Variants in ASB7 observed in about 807,000 individuals in gnomAD.
The protein encoded by ASB7 is ankyrin repeat and SOCS box containing 7.
A neutral mutation model predicts 32.5 loss-of-function variants in ASB7; 4 were observed. The ratio of observed to expected loss-of-function variants is 0.12; its 90% confidence interval spans 0.06 to 0.28. The LOEUF (loss-of-function observed/expected upper bound fraction) is 0.28, where lower values mean the gene tolerates loss of function less well. Among genes scored for constraint, ASB7 ranks in the 10% least tolerant of loss-of-function variants. The pLI is 1.00. For synonymous variants in ASB7, 172 were observed against 155.6 expected, an observed-to-expected ratio of 1.11 and a Z score of -0.78; for missense variants, 181 against 407.1, an observed-to-expected ratio of 0.44 and a Z score of 4.78.
At chr15:100,611,920 G>A (rs2039700057) in intron 3 of ASB7, among the ~76,000 whole-genome samples, 1 of 151,062 alleles carries the variant, frequency 6.6e-6, no homozygotes, top group Non-Finnish European at 1.5e-5. Flanking sequence ...CCTGGGTTCA[G>A]GTCGTCCTCC....
intron 4 of ASB7, among the ~76,000 whole-genome samples, chr15:100,623,498 T>G (rs567225960): frequency 6.6e-6 from 1 of 152,332 alleles, no homozygotes; most frequent in African/African-American, 2.4e-5. Flanking sequence ...CTCAACATCA[T>G]TAATCATCAG....
intron 5 of ASB7, among the ~76,000 whole-genome samples, chr15:100,636,807 CG>C (rs1567117470): frequency 6.6e-6 from 1 of 152,098 alleles, no homozygotes; most frequent in Non-Finnish European, 1.5e-5. Flanking sequence ...GGACTTTAGC[CG>C]GGGCTTCTCA....
intron 4 of ASB7, among the ~76,000 whole-genome samples, chr15:100,621,507 A>G (rs953657678): frequency 3.3e-5 from 5 of 152,202 alleles, no homozygotes; most frequent in South Asian, 2.1e-4. Flanking sequence ...AGGAAATGCT[A>G]TTCTTTTACC....
chr15:100,629,320 C>G lies in ASB7; in HGVS notation c.212-117C>G. On this transcript the variant is annotated intron_variant, in intron 4 of 5. Transcript: ENST00000332783. The surrounding 1 kb of genome is among the most constrained non-coding windows in gnomAD (Gnocchi z 6.8). ...GGAAAAACGTACTTGATATTCATTACAGTGTTTGGTTGCTTCACATTTTAT... is the reference window on the plus strand; with the variant it reads ...GGAAAAACGTACTTGATATTCATTAGAGTGTTTGGTTGCTTCACATTTTAT... The G allele has an allele frequency of 1.1e-6, 1 of 886,132 alleles. No homozygotes were observed. The highest frequency in any genetic ancestry group is 2.5e-5 in the East Asian group (1 of 40,718). 54.9% of individuals were successfully genotyped at this position (886,132 alleles called of 1,614,324 possible). A position where few individuals can be genotyped will look rare whatever the true frequency, so the allele number is the denominator to read the frequency against.
At chr15:100,647,995 A>C (rs760570467) in intron 5 of ASB7, among the ~76,000 whole-genome samples, 1 of 152,218 alleles carries the variant, frequency 6.6e-6, no homozygotes, top group Non-Finnish European at 1.5e-5. Flanking sequence ...TATAACAGAA[A>C]GGATATGAGG....
intron 5 of ASB7, among the ~76,000 whole-genome samples, chr15:100,637,171 A>G (rs2039929655): frequency 1.3e-5 from 2 of 152,244 alleles, no homozygotes; most frequent in South Asian, 4.1e-4. Flanking sequence ...GATTGAGGAA[A>G]AGCAACTTCA....
intron 5 of ASB7, among the ~76,000 whole-genome samples, chr15:100,647,851 C>A (rs2040006852): frequency 6.6e-6 from 1 of 152,106 alleles, no homozygotes; most frequent in African/African-American, 2.4e-5. Context: ...GGGAGGCTCA[C>A]AATAGGGGAC....
chr15:100,645,707 C>T, intron 5 of ASB7: 10 of 1,573,622 alleles, frequency 6.4e-6, no homozygotes, highest in East Asian at 4.5e-5. Context: ...TTGGGGATCC[C>T]ACAGTCTGAT....
At chr15:100,618,112 T>G (rs994153171) in intron 4 of ASB7, among the ~76,000 whole-genome samples, 7 of 152,108 alleles carry the variant, frequency 4.6e-5, no homozygotes, top group African/African-American at 1.7e-4. Flanking sequence ...GTTTCTTTTC[T>G]TTTTTATTTA....
chr15:100,647,023 T>TTCA (rs1292346417), intron 5 of ASB7, among the ~76,000 whole-genome samples: 3 of 151,388 alleles, frequency 2.0e-5, no homozygotes, highest in African/African-American at 7.3e-5. Flanking sequence ...AATGACGTTC[T>TTCA]TGTTAAATTT....
At chr15:100,603,618 C>G (rs1315313341) in intron 2 of ASB7, among the ~76,000 whole-genome samples, 1 of 152,086 alleles carries the variant, frequency 6.6e-6, no homozygotes, top group African/African-American at 2.4e-5. Flanking sequence ...TTTGTAGCTA[C>G]CCTCCCTTCC....
intron 5 of ASB7, chr15:100,646,382 G>A (rs961012873): frequency 7.5e-5 from 29 of 384,458 alleles, no homozygotes; most frequent in African/African-American, 5.1e-4. Context: ...TCTGGTTGGG[G>A]TGCGGTGTAC....
At chr15:100,628,795 A>G (rs987504569) in intron 4 of ASB7, among the ~76,000 whole-genome samples, 3 of 152,254 alleles carry the variant, frequency 2.0e-5, no homozygotes, top group African/African-American at 7.2e-5. Flanking sequence ...CACATAATGC[A>G]TTGCTTAATT....
At chr15:100,626,199 C>T (rs888237641) in intron 4 of ASB7, among the ~76,000 whole-genome samples, 4 of 152,000 alleles carry the variant, frequency 2.6e-5, no homozygotes, top group Admixed American at 6.6e-5. Context: ...TGAAAAAGCA[C>T]GCAACAAACT....
At chr15:100,610,220 C>T (rs566719102) in intron 3 of ASB7, among the ~76,000 whole-genome samples, 5 of 152,274 alleles carry the variant, frequency 3.3e-5, no homozygotes, top group South Asian at 2.1e-4. Flanking sequence ...TGTGGCCGGG[C>T]GCAGTGGCTC....
intron 4 of ASB7, among the ~76,000 whole-genome samples, chr15:100,628,564 C>T (rs2039859564): frequency 6.6e-6 from 1 of 152,142 alleles, no homozygotes; most frequent in Non-Finnish European, 1.5e-5. Context: ...ATAACCAGTC[C>T]TCGTCCGTCT....
In ASB7 at chr15:100,629,028, T is replaced by C. The variant is rs781484877; in HGVS notation, c.212-409T>C. 4.6e-5 allele frequency among the ~76,000 whole-genome samples: 7 copies of C among 152,178 alleles called. No individual in the cohort carries two copies. Among genetic ancestry groups the C allele is most frequent in the Non-Finnish European group, 8.8e-5 (6 of 68,036 alleles). On this transcript the variant is annotated intron_variant, in intron 4 of 5. Coordinates refer to ENST00000332783, the MANE Select transcript of ASB7 (RefSeq NM_198243.3). The surrounding 1 kb of genome is among the most constrained non-coding windows in gnomAD (Gnocchi z 6.8). ...GAGCAGCAGATGTTGCTACACATGC[T>C]TCTCTTTAAGACCGAGAAGAAGCAC...
At chr15:100,639,891 A>T (rs1205250266) in intron 5 of ASB7, among the ~76,000 whole-genome samples, 2 of 152,180 alleles carry the variant, frequency 1.3e-5, no homozygotes, top group African/African-American at 4.8e-5. Flanking sequence ...ACTTAGTGCA[A>T]ATGGAAAATA....
intron 3 of ASB7, among the ~76,000 whole-genome samples, chr15:100,611,631 C>G (rs1449488884): frequency 6.6e-6 from 1 of 151,118 alleles, no homozygotes; most frequent in African/African-American, 2.4e-5. Context: ...AGACATGTGC[C>G]ACCACACCCG....
Sources: allele counts gnomAD v4.1 joint callset (sites outside exome capture counted in the v4.1 genomes callset), GRCh38; gene constraint gnomAD v4.1.1; non-coding constraint Gnocchi (gnomAD v3.1); transcripts MANE v1.5; gene names NCBI Gene and HGNC (gene_info 2026-07-23, HGNC 2026-07-21).